The following ATP2B1 variants were observed in gnomAD, a reference collection of about 807,000 sequenced individuals.
ATP2B1 encodes plasma membrane calcium-transporting ATPase 1.
A neutral mutation model predicts 124.2 loss-of-function variants in ATP2B1; 14 were observed. The ratio of observed to expected loss-of-function variants is 0.11; its 90% CI spans 0.07 to 0.18. The LOEUF is 0.18. Ranked by LOEUF, ATP2B1 falls within the 10% of genes least tolerant of loss-of-function variation. ATP2B1 has a pLI of 1.00. For synonymous variants in ATP2B1, 449 were observed against 492.4 expected, an observed-to-expected ratio of 0.91 and a Z score of 1.17; for missense variants, 763 against 1,466.1, an observed-to-expected ratio of 0.52 and a Z score of 7.83.
Position 89,620,317 on chromosome 12 carries a change from G to A in ATP2B1, c.1588-77C>T, listed in dbSNP as rs763685688. The A allele has an allele frequency of 2.1e-4, 304 of 1,471,198 alleles. 1 individual carries two copies. The highest frequency in any genetic ancestry group is 2.3e-4 in the Admixed American group (11 of 48,018). 91.1% of individuals were successfully genotyped at this position (1,471,198 alleles called of 1,614,324 possible). ...TAATTTATAATGTAAAACAGACTGC[G>A]ATATTCTAAAATAAAATTACAAAGC... On this transcript the variant is annotated intron_variant, in intron 10 of 20. Coordinates refer to ENST00000428670, the MANE Select transcript of ATP2B1 (RefSeq NM_001366521.1).
intron 5 of ATP2B1, among the ~76,000 whole-genome samples, chr12:89,632,860 G>T (rs1015913700): frequency 2.0e-4 from 31 of 152,156 alleles, no homozygotes; most frequent in Non-Finnish European, 2.6e-4. Context: ...GGTATACTTG[G>T]TGTGTTAGGA....
At chr12:89,698,319 A>G (rs1197887526) in intron 1 of ATP2B1, among the ~76,000 whole-genome samples, 1 of 152,244 alleles carries the variant, frequency 6.6e-6, no homozygotes, top group African/African-American at 2.4e-5. Context: ...CAATAACAAG[A>G]ACTACTAATA....
intron 3 of ATP2B1, among the ~76,000 whole-genome samples, chr12:89,637,626 T>C (rs1339436207): frequency 6.6e-6 from 1 of 152,236 alleles, no homozygotes; most frequent in South Asian, 2.1e-4. Context: ...CTCGAACTCC[T>C]GGCCTCAAGC....
At chr12:89,616,609 G>C (rs983130269) in intron 12 of ATP2B1, among the ~76,000 whole-genome samples, 193 bp downstream of exon 12, 3 of 151,748 alleles carry the variant, frequency 2.0e-5, no homozygotes, top group Non-Finnish European at 4.4e-5. Flanking sequence ...ATCCCAAAGA[G>C]ACACTGTCTT....
At chr12:89,634,627 A>T in intron 5 of ATP2B1, 151 bp downstream of exon 5, 1 of 825,526 alleles carries the variant, frequency 1.2e-6, no homozygotes. Context: ...TCAGCTTACC[A>T]AAAAAAGTCT....
chr12:89,641,793 T>C (rs1323328078), intron 3 of ATP2B1: 1 of 165,084 alleles, frequency 6.1e-6, no homozygotes. Flanking sequence ...CATAATGACA[T>C]TTTCCAAAAG....
chr12:89,646,003 G>A (rs900043524), intron 2 of ATP2B1, among the ~76,000 whole-genome samples: 1 of 152,178 alleles, frequency 6.6e-6, no homozygotes, highest in African/African-American at 2.4e-5. Context: ...AAGGGGATAA[G>A]TGGATTTGCC....
chr12:89,668,407 A>G (rs572637649), intron 1 of ATP2B1, among the ~76,000 whole-genome samples: 4 of 152,316 alleles, frequency 2.6e-5, no homozygotes, highest in Non-Finnish European at 4.4e-5. Flanking sequence ...CACACATAAA[A>G]AAGAAATGTA....
At chr12:89,678,430 T>C (rs1888939760) in intron 1 of ATP2B1, among the ~76,000 whole-genome samples, 1 of 152,168 alleles carries the variant, frequency 6.6e-6, no homozygotes, top group Admixed American at 6.5e-5. Context: ...CTCAACACTA[T>C]GCTGTTATTC....
chr12:89,696,817 C>G (rs1399987945), intron 1 of ATP2B1, among the ~76,000 whole-genome samples: 1 of 152,110 alleles, frequency 6.6e-6, no homozygotes, highest in East Asian at 1.9e-4. Flanking sequence ...AGAACCCACT[C>G]ATTTAAATGG....
At chr12:89,655,362 G>A (rs768017035) in intron 2 of ATP2B1, among the ~76,000 whole-genome samples, 1 of 152,122 alleles carries the variant, frequency 6.6e-6, no homozygotes, top group African/African-American at 2.4e-5. Context: ...ATCCCTGGGA[G>A]GCATCCAAGC....
chr12:89,625,007 C>G (rs1390537519), intron 8 of ATP2B1, among the ~76,000 whole-genome samples: 4 of 152,170 alleles, frequency 2.6e-5, no homozygotes, highest in African/African-American at 7.2e-5. Flanking sequence ...CGCAGTGGCT[C>G]ACGCCTGTAA....
chr12:89,616,699 T>A (rs932760833), intron 12 of ATP2B1, 103 bp downstream of exon 12: 21 of 1,107,618 alleles, frequency 1.9e-5, no homozygotes, highest in African/African-American at 3.2e-5. Flanking sequence ...AAAAAAAAAA[T>A]CACAAACACC....
chr12:89,691,758 T>G (rs1055833291), intron 1 of ATP2B1, among the ~76,000 whole-genome samples: 1 of 152,168 alleles, frequency 6.6e-6, no homozygotes, highest in African/African-American at 2.4e-5. Flanking sequence ...CTTCCCAGCA[T>G]TCTTAGCCCA....
Position 89,603,525 on chromosome 12 carries a change from T to C in ATP2B1, c.2848+187A>G. On this transcript the variant is annotated intron_variant, in intron 17 of 20. Transcript: ENST00000428670. This position sits in a 1 kb window ranked among gnomAD's most constrained non-coding sequence, Gnocchi z 4.3. ...TCAGGACTGTTTATTCTCCTGTTTATTCTACTATCTAGCTTATTGTCCTCC... is the reference window on the plus strand; with the variant it reads ...TCAGGACTGTTTATTCTCCTGTTTACTCTACTATCTAGCTTATTGTCCTCC... The C allele has an allele frequency of 3.0e-6, 2 of 662,672 alleles. No individual in the cohort carries two copies. The highest frequency in any genetic ancestry group is 5.1e-6 in the Non-Finnish European group (2 of 394,766). 41.0% of individuals were successfully genotyped at this position (662,672 alleles called of 1,614,324 possible).
At chr12:89,659,245 A>G (rs1886374135) in intron 1 of ATP2B1, among the ~76,000 whole-genome samples, 1 of 152,126 alleles carries the variant, frequency 6.6e-6, no homozygotes, top group Non-Finnish European at 1.5e-5. Flanking sequence ...GAGGCCCAAG[A>G]AGAGGGAGAT....
At chr12:89,693,294 T>C (rs1250962558) in intron 1 of ATP2B1, among the ~76,000 whole-genome samples, 1 of 152,188 alleles carries the variant, frequency 6.6e-6, no homozygotes, top group Non-Finnish European at 1.5e-5. Context: ...GGCATGTCTT[T>C]AACACAGGAA....
At chr12:89,707,395 A>G (rs1892592814) in intron 1 of ATP2B1, among the ~76,000 whole-genome samples, 1 of 152,188 alleles carries the variant, frequency 6.6e-6, no homozygotes, top group Admixed American at 6.5e-5. Flanking sequence ...GGTTAAACAC[A>G]ACAAAGGCTT....
At position 89,590,422 on chromosome 12, in the gene ATP2B1, T is replaced by A. The variant is rs1873346377; in HGVS notation, c.*562A>T. 6.6e-6 allele frequency: 1 copy of A among 152,444 alleles called. No individual in the cohort carries two copies. The allele number at this position is 152,444 out of a possible 1,614,324, so 9.4% of individuals were successfully genotyped here. ...AGTTTCAATAGAAACACCCCTTTTT[T>A]TTTTTTTCCTGAAAATACAGCAGTA... On this transcript the variant is annotated 3_prime_UTR_variant, in exon 21 of 21. Transcript: ENST00000428670.
Sources: allele counts gnomAD v4.1 joint callset (sites outside exome capture counted in the v4.1 genomes callset), GRCh38; gene constraint gnomAD v4.1.1; non-coding constraint Gnocchi (gnomAD v3.1); transcripts MANE v1.5; gene names NCBI Gene and HGNC (gene_info 2026-07-23, HGNC 2026-07-21).